NUB1: variants seen among roughly 807,000 people sequenced by gnomAD.
NUB1 encodes the protein negative regulator of ubiquitin like proteins 1.
NUB1 carries 41 observed loss-of-function variants against 77.1 expected under a neutral mutation model. That is an observed-to-expected ratio of 0.53 (90% confidence interval 0.41 to 0.69). NUB1 has a LOEUF of 0.69. Among genes scored for constraint, NUB1 ranks in the 30% least tolerant of loss-of-function variants. The pLI is 0.00. For missense variants in NUB1, 643 were observed against 743.8 expected (o/e 0.86, Z 1.58); for synonymous variants, 257 against 281.0 (o/e 0.91, Z 0.85).
chr7:151,367,588 T>C (rs2150701583), intron 9 of NUB1, among the ~76,000 whole-genome samples: 1 of 152,326 alleles, frequency 6.6e-6, no homozygotes. Context: ...GATTTCTGCA[T>C]ACTTCTCTGC....
intron 2 of NUB1, among the ~76,000 whole-genome samples, chr7:151,345,682 T>G (rs561159433): frequency 6.6e-6 from 1 of 152,350 alleles, no homozygotes; most frequent in African/African-American, 2.4e-5. Context: ...CAGGCATATA[T>G]TTTTAATACC....
intron 3 of NUB1, among the ~76,000 whole-genome samples, chr7:151,350,600 T>C (rs1796749706): frequency 6.6e-6 from 1 of 152,282 alleles, no homozygotes; most frequent in Non-Finnish European, 1.5e-5. Context: ...AAGATTATTG[T>C]AATATTGAAA....
chr7:151,373,702 G>T (rs77294339), intron 11 of NUB1, among the ~76,000 whole-genome samples: 1 of 152,156 alleles, frequency 6.6e-6, no homozygotes, highest in Non-Finnish European at 1.5e-5. Flanking sequence ...CCTTCCCACC[G>T]CGTGCAGAAG....
At chr7:151,346,672 C>T (rs1796517673) in intron 2 of NUB1, among the ~76,000 whole-genome samples, 2 of 152,292 alleles carry the variant, frequency 1.3e-5, no homozygotes, top group Admixed American at 6.5e-5. Context: ...GGGATGTACA[C>T]CCCCAACTCC....
At chr7:151,364,453 A>AC (rs375297631) in intron 8 of NUB1, among the ~76,000 whole-genome samples, 7,170 of 150,294 alleles carry the variant, frequency 0.048, 651 homozygotes, top group East Asian at 0.36. Flanking sequence ...AAAAAAAAAA[A>AC]CAAAAAAACT....
chr7:151,357,375 C>T (rs1013892862), intron 7 of NUB1, among the ~76,000 whole-genome samples: 9 of 152,152 alleles, frequency 5.9e-5, no homozygotes, highest in East Asian at 1.9e-4. Context: ...CCGCCCGCCT[C>T]GGCCTCCCGA....
rs750784903 is a variant in NUB1, at chr7:151,345,427, A to G, written c.78A>G (p.Pro26=). The G allele has an allele frequency of 3.1e-6, 5 of 1,608,884 alleles. No individual in the cohort carries two copies. The highest frequency in any genetic ancestry group is 3.4e-5 in the Admixed American group (2 of 58,854). ...REDRIQLWKP[P]YTDENKKVGL... Reference sequence around the variant, plus strand: ...ACAGGATTCAACTTTGGAAACCTCCATATACAGATGAAAATAAAAAAGTTG... The same window carrying G: ...ACAGGATTCAACTTTGGAAACCTCCGTATACAGATGAAAATAAAAAAGTTG... Residue 26 remains proline (P), a synonymous_variant, in exon 2 of 15, where the codon CCA becomes CCG. Coordinates refer to ENST00000568733, the MANE Select transcript of NUB1 (RefSeq NM_001243351.2).
intron 1 of NUB1, 168 bp downstream of exon 1, chr7:151,342,014 A>G: frequency 8.1e-7 from 1 of 1,233,642 alleles, no homozygotes; most frequent in Non-Finnish European, 1.0e-6. Flanking sequence ...CGGGGCCGGG[A>G]GCGGTGGGCC....
chr7:151,371,495 G>A (rs1324078217), intron 11 of NUB1, among the ~76,000 whole-genome samples: 6 of 152,054 alleles, frequency 3.9e-5, no homozygotes, highest in African/African-American at 1.2e-4. Flanking sequence ...CTGGAGGAAC[G>A]CCAAGACTGG....
At chr7:151,352,732 C>T (rs444648) in intron 4 of NUB1, 80 bp from the exon 5 acceptor site, 600,638 of 898,666 alleles carry the variant, frequency 0.67, 205,386 homozygotes, top group East Asian at 0.92. Flanking sequence ...CGTGAGCCAC[C>T]GGGCCTGGCT....
intron 3 of NUB1, among the ~76,000 whole-genome samples, chr7:151,349,833 C>T (rs1563011674): frequency 6.6e-6 from 1 of 152,206 alleles, no homozygotes; most frequent in African/African-American, 2.4e-5. Context: ...GACAAGAGAT[C>T]GTAGAAATAA....
intron 5 of NUB1, among the ~76,000 whole-genome samples, chr7:151,355,318 T>G (rs756127614): frequency 6.6e-6 from 1 of 152,218 alleles, no homozygotes; most frequent in Non-Finnish European, 1.5e-5. Context: ...AACAGTGACA[T>G]AGTTACAACC....
chr7:151,368,722 T>C lies in NUB1; in HGVS notation c.1096-13T>C. 1 of 1,590,708 alleles carries C rather than the reference T, an allele frequency of 6.3e-7. No homozygotes were observed. The highest frequency in any genetic ancestry group is 1.4e-5 in the African/African-American group (1 of 74,036). Reference sequence around the variant, plus strand: ...GCCGTGGTTACATGATTCTTACATTTCCCTGTCTCTAGGCACGTCAGCTCT... The same window carrying C: ...GCCGTGGTTACATGATTCTTACATTCCCCTGTCTCTAGGCACGTCAGCTCT... On this transcript the variant is annotated splice_polypyrimidine_tract_variant and intron_variant, in intron 10 of 14. Transcript: ENST00000568733.
chr7:151,359,857 A>G (rs562627594), intron 7 of NUB1, among the ~76,000 whole-genome samples: 1 of 152,246 alleles, frequency 6.6e-6, no homozygotes, highest in African/African-American at 2.4e-5. Flanking sequence ...ATAGAATATT[A>G]GAAGTAGAAT....
At chr7:151,357,163 C>CTGGG in intron 7 of NUB1, among the ~76,000 whole-genome samples, 1 of 149,020 alleles carries the variant, frequency 6.7e-6, no homozygotes, top group South Asian at 2.1e-4. Flanking sequence ...ACTGCAGGTA[C>CTGGG]ACACCACCAT....
At chr7:151,369,952 G>A (rs779190108) in intron 11 of NUB1, among the ~76,000 whole-genome samples, 14 of 152,158 alleles carry the variant, frequency 9.2e-5, no homozygotes, top group Non-Finnish European at 1.5e-4. Flanking sequence ...GGTTCATTCC[G>A]TGGTGAGCAG....
At chr7:151,361,229 G>A (rs1275067771) in intron 8 of NUB1, 2 of 152,190 alleles carry the variant, frequency 1.3e-5, no homozygotes, top group African/African-American at 2.4e-5. Context: ...TAAATGAGTT[G>A]CTTCACTATC....
At chr7:151,344,616 C>CTTG (rs1796392032) in intron 1 of NUB1, among the ~76,000 whole-genome samples, 1 of 151,878 alleles carries the variant, frequency 6.6e-6, no homozygotes, top group Non-Finnish European at 1.5e-5. Context: ...CACACCCATC[C>CTTG]GAAAATATTT....
intron 13 of NUB1, chr7:151,376,249 TG>T: frequency 2.1e-6 from 1 of 468,026 alleles, no homozygotes; most frequent in Non-Finnish European, 3.9e-6. Context: ...GATGGCACTG[TG>T]ACCTGGGAAA....
Sources: gnomAD v4.1 joint callset for allele counts (sites outside exome capture counted in the v4.1 genomes callset) on GRCh38, gnomAD v4.1.1 for gene constraint, MANE v1.5 for transcripts, NCBI Gene and HGNC (gene_info 2026-07-23, HGNC 2026-07-21) for gene names.